The following AMZ1 variants were observed in gnomAD, a reference collection of about 807,000 sequenced individuals.
The protein encoded by AMZ1 is archaemetzincin-1.
A neutral mutation model predicts 29.9 loss-of-function variants in AMZ1; 39 were observed. That is an observed-to-expected ratio of 1.30 (90% CI 1.01 to 1.70). The LOEUF (loss-of-function observed/expected upper bound fraction) is 1.70. AMZ1 is among the 40% of genes most tolerant of loss of function. The pLI, the probability that AMZ1 is intolerant of heterozygous loss-of-function variation, is 0.00. For missense variants in AMZ1, 1,041 were observed against 680.6 expected (o/e 1.53, Z -5.89); for synonymous variants, 458 against 304.0 (o/e 1.51, Z -5.27).
At chr7:2,682,681 T>C (rs1786926665) in intron 1 of AMZ1, among the ~76,000 whole-genome samples, 2 of 152,130 alleles carry the variant, frequency 1.3e-5, no homozygotes, top group Admixed American at 6.5e-5. Flanking sequence ...AACCCCTGCT[T>C]GGGCCATACA....
At position 2,695,567 on chromosome 7, in the gene AMZ1, AC is replaced by A. The variant is rs1441441000; in HGVS notation, c.-218-4666del. On this transcript the variant is annotated intron_variant, in intron 1 of 6. Coordinates refer to ENST00000683327, the MANE Select transcript of AMZ1 (RefSeq NM_001384743.1). The stretch of plus-strand genomic sequence containing the variant: ...CTCTTCTCTACAAAAAAAAAAATTG[AC>A]TGGGCGTGTTGGTACATGTCCGTAG... Among the ~76,000 whole-genome samples, 33 of 79,110 alleles carry A rather than the reference AC, an allele frequency of 4.2e-4. No homozygotes were observed. In the East Asian group the frequency reaches 0.016, roughly 38 times the overall value. 51.9% of individuals were successfully genotyped at this position (79,110 alleles called of 152,430 possible).
chr7:2,753,664 G>T (rs1791144674), intron 4 of AMZ1, among the ~76,000 whole-genome samples: 1 of 152,164 alleles, frequency 6.6e-6, no homozygotes, highest in South Asian at 2.1e-4. Context: ...TACAGGTGTG[G>T]TGTGGATGTA....
chr7:2,762,478 T>C, upstream of AMZ1: 1 of 682,432 alleles, frequency 1.5e-6, no homozygotes, highest in Non-Finnish European at 2.3e-6. Flanking sequence ...AACCCACCCG[T>C]GTGCGGGGCC....
At chr7:2,736,673 G>A (rs1025044944) in intron 4 of AMZ1, among the ~76,000 whole-genome samples, 1 of 152,246 alleles carries the variant, frequency 6.6e-6, no homozygotes, top group Non-Finnish European at 1.5e-5. Flanking sequence ...CCTTTCTGCA[G>A]AGGCCTGCAG....
chr7:2,755,482 G>A (rs1217303039), intron 4 of AMZ1, among the ~76,000 whole-genome samples: 2 of 152,182 alleles, frequency 1.3e-5, no homozygotes, highest in Non-Finnish European at 2.9e-5. Context: ...TTACACCACA[G>A]TATTTCATTT....
In AMZ1 at chr7:2,743,712, A is replaced by G. The variant is rs553413557; in HGVS notation, n.551-21000A>G. ...GCGCAGCGCACTGTGCGCGAGCCGA[A>G]GCAGGGCGAGGCACTGCCTCACTCG... On this transcript the variant is annotated intron_variant and non_coding_transcript_variant, in intron 4 of 4. Coordinates refer to the AMZ1 transcript ENST00000489665. Among the ~76,000 whole-genome samples, 4 of 152,326 alleles carry G rather than the reference A, an allele frequency of 2.6e-5. No homozygotes were observed. In the East Asian group the frequency reaches 7.7e-4, roughly 29 times the overall value.
chr7:2,746,684 G>A (rs1257767704), intron 4 of AMZ1, among the ~76,000 whole-genome samples: 1 of 152,100 alleles, frequency 6.6e-6, no homozygotes, highest in African/African-American at 2.4e-5. Context: ...AGAACTGAAG[G>A]AAATAGAGAC....
chr7:2,755,017 AC>A (rs1791224930), intron 4 of AMZ1, among the ~76,000 whole-genome samples: 1 of 152,210 alleles, frequency 6.6e-6, no homozygotes, highest in Admixed American at 6.5e-5. Flanking sequence ...ACAGTCCAGC[AC>A]CCTTTGTTGA....
At chr7:2,752,015 T>A (rs1198750438) in intron 4 of AMZ1, among the ~76,000 whole-genome samples, 1 of 152,136 alleles carries the variant, frequency 6.6e-6, no homozygotes, top group East Asian at 1.9e-4. Flanking sequence ...GCCAGCATCA[T>A]CCTGGTACCC....
At chr7:2,701,228 C>CAAA (rs35630946) in intron 2 of AMZ1, among the ~76,000 whole-genome samples, 30 of 144,216 alleles carry the variant, frequency 2.1e-4, no homozygotes, top group Admixed American at 6.2e-4. Context: ...GAGACTGTCT[C>CAAA]AAAAAAAAAA....
chr7:2,712,265 T>C, intron 6 of AMZ1, 65 bp from the exon 7 acceptor site: 1 of 1,472,522 alleles, frequency 6.8e-7, no homozygotes, highest in Non-Finnish European at 9.0e-7. Context: ...GGAGGTCTCC[T>C]GGCAGTTCCC....
chr7:2,716,616 G>C lies in AMZ1; in HGVS notation c.*3738G>C, dbSNP rs1201432268. The C allele has an allele frequency of 1.3e-5, 2 of 152,150 alleles. No homozygotes were observed. The highest frequency in any genetic ancestry group is 2.9e-5 in the Non-Finnish European group (2 of 68,036). The allele number at this position is 152,150 out of a possible 1,614,324, so 9.4% of individuals were successfully genotyped here. ...GAACATTCCAGGGACACACCTACAC[G>C]CAGAGGGTCTCCATACAGTGCCAAG... On this transcript the variant is annotated 3_prime_UTR_variant, in exon 7 of 7. Coordinates refer to ENST00000683327, the MANE Select transcript of AMZ1 (RefSeq NM_001384743.1).
rs766810464 is a variant in AMZ1, at chr7:2,718,552, C to T, written c.*5674C>T. Reference sequence around the variant, plus strand: ...GGCGCCCACTCACCTGGCACGTGGACGAAGGTGATGAGCGCGGCTGACGGC... The same window carrying T: ...GGCGCCCACTCACCTGGCACGTGGATGAAGGTGATGAGCGCGGCTGACGGC... On this transcript the variant is annotated 3_prime_UTR_variant, in exon 7 of 7. Coordinates refer to ENST00000683327, the MANE Select transcript of AMZ1 (RefSeq NM_001384743.1). Among the ~76,000 whole-genome samples the T allele has an allele frequency of 2.0e-5, 3 of 152,190 alleles. No homozygotes were observed. Among genetic ancestry groups the T allele is most frequent in the African/African-American group, 4.8e-5 (2 of 41,450 alleles).
chr7:2,698,997 T>C (rs1287252948), intron 1 of AMZ1, among the ~76,000 whole-genome samples: 1 of 152,182 alleles, frequency 6.6e-6, no homozygotes, highest in Non-Finnish European at 1.5e-5. Context: ...AGGAAGCTTG[T>C]CCGAGGGCTG....
Position 2,712,235 on chromosome 7 carries a change from G to T in AMZ1, c.949-95G>T, listed in dbSNP as rs76002928. The stretch of plus-strand genomic sequence containing the variant: ...CTCCCGCCCCTGGGTAACTGAGGAC[G>T]GTGGGGTCCCCTTAGGTAAGGAGGT... On this transcript the variant is annotated intron_variant, in intron 6 of 6. Coordinates refer to ENST00000683327, the MANE Select transcript of AMZ1 (RefSeq NM_001384743.1). The T allele has an allele frequency of 7.5e-6, 10 of 1,342,016 alleles. No homozygotes were observed. In the African/African-American group the frequency reaches 1.3e-4, roughly 18 times the overall value. 83.1% of individuals were successfully genotyped at this position (1,342,016 alleles called of 1,614,324 possible). A position where few individuals can be genotyped will look rare whatever the true frequency, so the allele number is the denominator to read the frequency against.
At chr7:2,745,682 A>G (rs1420754513) in intron 4 of AMZ1, among the ~76,000 whole-genome samples, 1 of 152,238 alleles carries the variant, frequency 6.6e-6, no homozygotes, top group Non-Finnish European at 1.5e-5. Context: ...TTAACTTTGA[A>G]TGTAAATGGG....
rs532904491 is a variant in AMZ1 at position 2,691,225 on chromosome 7, G to A, written c.-219+2929G>A. On this transcript the variant is annotated intron_variant, in intron 1 of 6. Transcript: ENST00000683327. ...AGGGAAGCCTCTGACCAGGGTTTTC[G>A]GGTGGTCAGGTGGGTGTGGGTGCTG... Among the ~76,000 whole-genome samples, 14 of 147,244 alleles carry A rather than the reference G, an allele frequency of 9.5e-5. No individual in the cohort carries two copies. The East Asian group carries it at 2.4e-3, about 25-fold the overall frequency.
intron 3 of AMZ1, among the ~76,000 whole-genome samples, chr7:2,705,496 C>T (rs945287810): frequency 4.6e-5 from 7 of 152,242 alleles, no homozygotes; most frequent in Non-Finnish European, 1.0e-4. Context: ...GGGCGGCTCT[C>T]TACCCCTCTA....
intron 3 of AMZ1, among the ~76,000 whole-genome samples, chr7:2,704,762 A>AT (rs1301201735): frequency 7.3e-5 from 11 of 151,526 alleles, no homozygotes; most frequent in East Asian, 3.9e-4. Flanking sequence ...GTGCCTGGCT[A>AT]TTTTTTTGCA....
Sources: allele counts gnomAD v4.1 joint callset (sites outside exome capture counted in the v4.1 genomes callset), GRCh38; gene constraint gnomAD v4.1.1; transcripts MANE v1.5; gene names NCBI Gene and HGNC (gene_info 2026-07-23, HGNC 2026-07-21).